NCAM2: variants seen among roughly 807,000 people sequenced by gnomAD.
NCAM2 encodes the protein neural cell adhesion molecule 2.
In NCAM2, 30 loss-of-function variants were observed where a neutral mutation model predicts 98.1. That is an observed-to-expected ratio of 0.31 (90% CI 0.23 to 0.41). The LOEUF is 0.41. Ranked by LOEUF, NCAM2 falls within the 10% of genes least tolerant of loss-of-function variation. The probability of loss-of-function intolerance (pLI) is 1.00; values close to 1 mark genes in which losing one functional copy is unlikely to be tolerated. For synonymous variants in NCAM2, 368 were observed against 342.4 expected (o/e 1.07, Z -0.83); for missense variants, 867 against 1,005.8 (o/e 0.86, Z 1.87).
chr21:21,398,202 A>C (rs1735391719), intron 9 of NCAM2, among the ~76,000 whole-genome samples: 1 of 152,148 alleles, frequency 6.6e-6, no homozygotes, highest in South Asian at 2.1e-4. Flanking sequence ...CATAAGTGGG[A>C]ACTAAGCTAT....
chr21:21,083,626 G>C (rs1569004770), intron 1 of NCAM2, among the ~76,000 whole-genome samples: 1 of 152,020 alleles, frequency 6.6e-6, no homozygotes, highest in East Asian at 1.9e-4. Flanking sequence ...TGTTGCCCAG[G>C]CTGGTCTTGA....
At chr21:20,998,752 T>A in intron 1 of NCAM2, 134 bp downstream of exon 1, 1 of 892,594 alleles carries the variant, frequency 1.1e-6, no homozygotes, top group Middle Eastern at 2.3e-4. Context: ...GTTATTATTA[T>A]TTTCGTTCTT....
intron 1 of NCAM2, among the ~76,000 whole-genome samples, chr21:21,055,332 A>G (rs2065190136): frequency 6.6e-6 from 1 of 152,034 alleles, no homozygotes; most frequent in South Asian, 2.1e-4. Flanking sequence ...GATTATGCCC[A>G]CTGGGCACCT....
chr21:21,204,763 T>TAGA (rs1419641266), intron 1 of NCAM2, among the ~76,000 whole-genome samples: 1 of 152,180 alleles, frequency 6.6e-6, no homozygotes, highest in Non-Finnish European at 1.5e-5. Flanking sequence ...CTATTGCCAA[T>TAGA]TTATTCATAT....
chr21:21,175,348 C>G (rs960850282), intron 1 of NCAM2, among the ~76,000 whole-genome samples: 2 of 152,022 alleles, frequency 1.3e-5, no homozygotes. Context: ...TCCTGGCCAA[C>G]ATGGTGAAAC....
chr21:21,312,652 TC>T (rs35267633), intron 5 of NCAM2, among the ~76,000 whole-genome samples: 151,446 of 151,446 alleles, frequency 1, 75,723 homozygotes, highest in Non-Finnish European at 1. Context: ...GCACCTATTT[TC>T]CATGAAATAT....
At chr21:21,496,575 T>C (rs1049595542) in intron 15 of NCAM2, among the ~76,000 whole-genome samples, 2 of 152,146 alleles carry the variant, frequency 1.3e-5, no homozygotes, top group Non-Finnish European at 2.9e-5. Context: ...CTCTTTGCCC[T>C]GTTGATCATT....
chr21:21,058,187 C>T (rs1044557284), intron 1 of NCAM2, among the ~76,000 whole-genome samples: 2 of 133,752 alleles, frequency 1.5e-5, no homozygotes, highest in African/African-American at 2.7e-5. Context: ...AACTAGCTTC[C>T]ACACTTAAAA....
chr21:21,280,462 TA>T (rs2072887942), intron 1 of NCAM2, 115 bp from the exon 2 acceptor site: 3 of 644,236 alleles, frequency 4.7e-6, no homozygotes, highest in East Asian at 3.2e-5. Flanking sequence ...TTATAGGTAA[TA>T]AAAAATTGGG....
intron 15 of NCAM2, among the ~76,000 whole-genome samples, chr21:21,484,840 A>T (rs1318926097): frequency 2.0e-5 from 3 of 152,174 alleles, no homozygotes; most frequent in Admixed American, 6.6e-5. Flanking sequence ...TAAATTTTCC[A>T]TTAATTCCTA....
intron 1 of NCAM2, among the ~76,000 whole-genome samples, chr21:21,143,326 T>C (rs374411541): frequency 6.6e-6 from 1 of 152,314 alleles, no homozygotes; most frequent in African/African-American, 2.4e-5. Flanking sequence ...ATTGAAAATT[T>C]TATCTATTTT....
At chr21:21,092,921 T>A (rs2066042991) in intron 1 of NCAM2, among the ~76,000 whole-genome samples, 1 of 152,192 alleles carries the variant, frequency 6.6e-6, no homozygotes, top group East Asian at 1.9e-4. Flanking sequence ...GCTAACAATG[T>A]AAGTTTTCAA....
intron 1 of NCAM2, among the ~76,000 whole-genome samples, chr21:21,256,278 C>A (rs2071669306): frequency 6.6e-6 from 1 of 151,994 alleles, no homozygotes; most frequent in Non-Finnish European, 1.5e-5. Flanking sequence ...CTCACTTGAA[C>A]CTGGGAAGCA....
At chr21:21,132,306 C>G (rs564262871) in intron 1 of NCAM2, among the ~76,000 whole-genome samples, 7 of 152,220 alleles carry the variant, frequency 4.6e-5, no homozygotes, top group African/African-American at 1.7e-4. Flanking sequence ...TATAAGAACC[C>G]TTGTGACTAC....
intron 1 of NCAM2, among the ~76,000 whole-genome samples, chr21:21,107,475 G>A (rs2066372392): frequency 6.6e-6 from 1 of 151,936 alleles, no homozygotes; most frequent in South Asian, 2.1e-4. Flanking sequence ...AGTTTTTTCT[G>A]AAAAGTGTCA....
At chr21:21,322,636 G>T (rs576695730) in intron 5 of NCAM2, among the ~76,000 whole-genome samples, 1 of 152,046 alleles carries the variant, frequency 6.6e-6, no homozygotes, top group Non-Finnish European at 1.5e-5. Context: ...AGTTTTCCTT[G>T]GCTCAAATAA....
chr21:21,386,967 T>G (rs968387144), intron 9 of NCAM2, among the ~76,000 whole-genome samples: 1 of 152,172 alleles, frequency 6.6e-6, no homozygotes, highest in Admixed American at 6.6e-5. Context: ...ATGAAGACCT[T>G]GCCCTGGGAA....
chr21:21,236,796 G>A (rs937568756), intron 1 of NCAM2, among the ~76,000 whole-genome samples: 1 of 150,854 alleles, frequency 6.6e-6, no homozygotes, highest in Non-Finnish European at 1.5e-5. Context: ...GCATGCACAC[G>A]TGTGCATTTT....
Position 21,184,571 on chromosome 21 carries a change from G to A in NCAM2, c.56-96007G>A, listed in dbSNP as rs1040319285. Among the ~76,000 whole-genome samples the A allele has an allele frequency of 5.3e-5, 8 of 152,172 alleles. No homozygotes were observed. In the East Asian group the frequency reaches 1.5e-3, roughly 29 times the overall value. ...TGAATACATATTGTTAAGCTCTCCAGGTGATTCCAGTGCACAACCATTGTT... is the reference window on the plus strand; with the variant it reads ...TGAATACATATTGTTAAGCTCTCCAAGTGATTCCAGTGCACAACCATTGTT... On this transcript the variant is annotated intron_variant, in intron 1 of 17. Coordinates refer to ENST00000400546, the MANE Select transcript of NCAM2 (RefSeq NM_004540.5).
Sources: gnomAD v4.1 joint callset for allele counts (sites outside exome capture counted in the v4.1 genomes callset) on GRCh38, gnomAD v4.1.1 for gene constraint, MANE v1.5 for transcripts, NCBI Gene and HGNC (gene_info 2026-07-23, HGNC 2026-07-21) for gene names.